Variants in FAM193A observed in about 807,000 individuals in gnomAD.
FAM193A encodes the protein family with sequence similarity 193 member A, also known as protein FAM193A.
Under a neutral mutation model 126.5 loss-of-function variants are expected in FAM193A, and 22 were observed. The observed-to-expected ratio is 0.17, with a 90% confidence interval of 0.12 to 0.25. The LOEUF (loss-of-function observed/expected upper bound fraction) is 0.25. FAM193A is among the 10% of genes least tolerant of loss of function. The probability of loss-of-function intolerance (pLI) is 1.00; values close to 1 mark genes in which losing one functional copy is unlikely to be tolerated. For missense variants in FAM193A, 1,675 were observed against 1,672.8 expected (o/e 1.00, Z -0.02); for synonymous variants, 761 against 646.8 (o/e 1.18, Z -2.68).
chr4:2,731,169 C>G (rs1721331882), intron 20 of FAM193A, among the ~76,000 whole-genome samples: 1 of 131,502 alleles, frequency 7.6e-6, no homozygotes, highest in African/African-American at 2.9e-5. Context: ...GCACTCTAGC[C>G]TGGATGACAA....
intron 13 of FAM193A, among the ~76,000 whole-genome samples, chr4:2,676,538 T>A (rs1405900704): frequency 6.6e-6 from 1 of 152,230 alleles, no homozygotes; most frequent in Non-Finnish European, 1.5e-5. Context: ...TTTAGTTCTC[T>A]TTCTATTCTG....
At chr4:2,568,335 G>A (rs902244919) in intron 1 of FAM193A, among the ~76,000 whole-genome samples, 3 of 152,068 alleles carry the variant, frequency 2.0e-5, no homozygotes, top group Non-Finnish European at 4.4e-5. Flanking sequence ...TACAGAATTA[G>A]GGATTTTAAA....
intron 7 of FAM193A, among the ~76,000 whole-genome samples, chr4:2,647,614 G>A (rs1745279846): frequency 6.6e-6 from 1 of 152,154 alleles, no homozygotes; most frequent in East Asian, 1.9e-4. Flanking sequence ...AGGTGGATCT[G>A]AAGGGAGGGC....
chr4:2,655,617 A>G (rs1006190782), intron 7 of FAM193A, among the ~76,000 whole-genome samples: 9 of 152,182 alleles, frequency 5.9e-5, no homozygotes, highest in Non-Finnish European at 8.8e-5. Context: ...AGCTAGGACC[A>G]TAGGCACATG....
chr4:2,587,836 T>C lies in FAM193A; in HGVS notation c.256-8248T>C, dbSNP rs1740319660. On this transcript the variant is annotated intron_variant, in intron 1 of 20. Coordinates refer to ENST00000637812, the MANE Select transcript of FAM193A (RefSeq NM_001366318.2). ...AAGTGCTACTGAGAGGAGATCGTTGTGTTTCTTCAGAGTGGGAGACAGCAT... is the reference window on the plus strand; with the variant it reads ...AAGTGCTACTGAGAGGAGATCGTTGCGTTTCTTCAGAGTGGGAGACAGCAT... 1.3e-5 allele frequency among the ~76,000 whole-genome samples: 2 copies of C among 152,256 alleles called. 1 individual carries two copies.
intron 2 of FAM193A, among the ~76,000 whole-genome samples, chr4:2,599,867 C>T (rs564506498): frequency 6.6e-6 from 1 of 151,880 alleles, no homozygotes; most frequent in African/African-American, 2.4e-5. Context: ...TCCCGAGTAG[C>T]TGGGACTATA....
intron 13 of FAM193A, among the ~76,000 whole-genome samples, chr4:2,683,783 C>A (rs997428186): frequency 6.6e-6 from 1 of 152,232 alleles, no homozygotes; most frequent in African/African-American, 2.4e-5. Flanking sequence ...ATTCCACTTA[C>A]CAGGTGTTAT....
chr4:2,607,833 C>G (rs937009146), intron 2 of FAM193A: 97 of 586,236 alleles, frequency 1.7e-4, no homozygotes, highest in Non-Finnish European at 2.6e-4. Context: ...TGTGGGATTT[C>G]TTTATATACA....
At chr4:2,592,854 A>T (rs1740648000) in intron 1 of FAM193A, among the ~76,000 whole-genome samples, 1 of 152,124 alleles carries the variant, frequency 6.6e-6, no homozygotes, top group Admixed American at 6.5e-5. Flanking sequence ...CTGGGCTAGC[A>T]CCCTGGAAGT....
At chr4:2,609,923 G>A (rs187247512) in intron 2 of FAM193A, among the ~76,000 whole-genome samples, 242 of 148,038 alleles carry the variant, frequency 1.6e-3, no homozygotes, top group Non-Finnish European at 2.7e-3. Context: ...GCGAGACTCC[G>A]TCTTAAAAAA....
At chr4:2,598,509 G>A (rs1221239985) in intron 2 of FAM193A, among the ~76,000 whole-genome samples, 1 of 152,190 alleles carries the variant, frequency 6.6e-6, no homozygotes, top group African/African-American at 2.4e-5. Context: ...TGCTCATGAA[G>A]GCTGTCTGTA....
intron 2 of FAM193A, among the ~76,000 whole-genome samples, chr4:2,618,494 C>T (rs1185416339): frequency 6.6e-6 from 1 of 151,712 alleles, no homozygotes; most frequent in Non-Finnish European, 1.5e-5. Context: ...ATGGTGCGAT[C>T]TCGGCTCACT....
At chr4:2,703,360 C>T (rs542099343) in intron 19 of FAM193A, among the ~76,000 whole-genome samples, 7 of 152,316 alleles carry the variant, frequency 4.6e-5, no homozygotes, top group African/African-American at 1.7e-4. Context: ...AATTCTCCCA[C>T]CTCAGCCTCC....
chr4:2,664,121 A>G (rs957622785), intron 12 of FAM193A, among the ~76,000 whole-genome samples: 3 of 152,220 alleles, frequency 2.0e-5, no homozygotes, highest in Non-Finnish European at 2.9e-5. Context: ...AAGTCTGACC[A>G]CATCTCCTTA....
intron 1 of FAM193A, among the ~76,000 whole-genome samples, chr4:2,595,207 C>T (rs2108906137): frequency 6.6e-6 from 1 of 152,246 alleles, no homozygotes; most frequent in Admixed American, 6.5e-5. Context: ...CACCACTATG[C>T]CTGGCTAATA....
chr4:2,543,986 G>T (rs1737399289), intron 1 of FAM193A, among the ~76,000 whole-genome samples: 2 of 151,684 alleles, frequency 1.3e-5, no homozygotes, highest in African/African-American at 4.8e-5. Context: ...GGATCTTTGG[G>T]GTACATGAGG....
intron 19 of FAM193A, chr4:2,715,600 T>C (rs2237003): frequency 0.79 from 603,523 of 760,692 alleles, 240,939 homozygotes; most frequent in African/African-American, 0.96. Flanking sequence ...CATGGGCCTG[T>C]CCCCTGGGCA....
chr4:2,710,263 C>A (rs1718794248), intron 19 of FAM193A, among the ~76,000 whole-genome samples: 1 of 147,790 alleles, frequency 6.8e-6, no homozygotes, highest in African/African-American at 2.5e-5. Context: ...CAGCCTCCAC[C>A]TCCCGGGTTC....
chr4:2,667,803 CT>C (rs1222409497), intron 12 of FAM193A, among the ~76,000 whole-genome samples: 1 of 151,838 alleles, frequency 6.6e-6, no homozygotes, highest in Non-Finnish European at 1.5e-5. Context: ...TCTGTTGATT[CT>C]TTTTTTAATT....
Sources: allele counts gnomAD v4.1 joint callset (sites outside exome capture counted in the v4.1 genomes callset), GRCh38; gene constraint gnomAD v4.1.1; transcripts MANE v1.5; gene names NCBI Gene and HGNC (gene_info 2026-07-23, HGNC 2026-07-21).